Variants in SNAP25 observed in about 807,000 individuals in gnomAD.
The protein encoded by SNAP25 is synaptosome associated protein 25.
A neutral mutation model predicts 28.7 loss-of-function variants in SNAP25; 3 were observed. The ratio of observed to expected loss-of-function variants is 0.10; its 90% confidence interval spans 0.05 to 0.27. SNAP25 has a LOEUF of 0.27. Ranked by LOEUF, SNAP25 falls within the 10% of genes least tolerant of loss-of-function variation. The pLI is 1.00. For synonymous variants in SNAP25, 61 were observed against 88.1 expected, an observed-to-expected ratio of 0.69 and a Z score of 1.72; for missense variants, 117 against 278.7, an observed-to-expected ratio of 0.42 and a Z score of 4.13.
intron 1 of SNAP25, among the ~76,000 whole-genome samples, chr20:10,225,566 T>C (rs1411049890): frequency 1.3e-5 from 2 of 152,108 alleles, no homozygotes; most frequent in Non-Finnish European, 2.9e-5. Context: ...TGTGGAAAAA[T>C]ATATTTCATC....
intron 7 of SNAP25, among the ~76,000 whole-genome samples, chr20:10,299,947 G>GA (rs1362154351): frequency 6.6e-6 from 1 of 152,188 alleles, no homozygotes; most frequent in Non-Finnish European, 1.5e-5. Flanking sequence ...GAAAATGGGA[G>GA]AAAGAATAGT....
At chr20:10,250,173 C>T (rs931376004) in intron 1 of SNAP25, among the ~76,000 whole-genome samples, 2 of 152,160 alleles carry the variant, frequency 1.3e-5, no homozygotes, top group Non-Finnish European at 2.9e-5. Flanking sequence ...ATTATATTTT[C>T]TTATTTAGGG....
chr20:10,303,228 A>G lies in SNAP25; in HGVS notation c.553-2901A>G, dbSNP rs149741491. Reference sequence around the variant, plus strand: ...ATTTGTAGCTGGAAAGGGAGGGCTTAAGAACCAAGTAAAATTGGTGAGATT... The same window carrying G: ...ATTTGTAGCTGGAAAGGGAGGGCTTGAGAACCAAGTAAAATTGGTGAGATT... On this transcript the variant is annotated intron_variant, in intron 7 of 7. Transcript: ENST00000254976. Among the ~76,000 whole-genome samples the G allele has an allele frequency of 7.5e-4, 115 of 152,336 alleles. 2 individuals carry two copies. The East Asian group carries it at 0.019, about 25-fold the overall frequency.
intron 1 of SNAP25, among the ~76,000 whole-genome samples, chr20:10,253,624 G>A (rs2063268403): frequency 6.6e-6 from 1 of 152,156 alleles, no homozygotes; most frequent in Admixed American, 6.5e-5. Context: ...GCAGCCAAGG[G>A]TCCCATTCAG....
intron 1 of SNAP25, among the ~76,000 whole-genome samples, chr20:10,226,391 CA>C (rs1351036055): frequency 6.6e-6 from 1 of 152,142 alleles, no homozygotes; most frequent in Non-Finnish European, 1.5e-5. Context: ...TGTATTGCTT[CA>C]TCATAAATCA....
intron 1 of SNAP25, among the ~76,000 whole-genome samples, chr20:10,256,958 TTAAC>T (rs1383734493): frequency 6.6e-6 from 1 of 152,246 alleles, no homozygotes; most frequent in Non-Finnish European, 1.5e-5. Flanking sequence ...ATCTGATTCT[TTAAC>T]AAATAAATTT....
intron 5 of SNAP25, chr20:10,296,666 A>G: frequency 2.2e-6 from 1 of 449,718 alleles, no homozygotes; most frequent in Non-Finnish European, 3.9e-6. Flanking sequence ...CTAAACCACA[A>G]AACAAACCAA....
chr20:10,236,998 G>T (rs925525639), intron 1 of SNAP25, among the ~76,000 whole-genome samples: 15 of 106,652 alleles, frequency 1.4e-4, no homozygotes, highest in Non-Finnish European at 2.5e-4. Context: ...ATAAATAAAG[G>T]CTTCTAAATT....
At chr20:10,251,128 C>A (rs1404920494) in intron 1 of SNAP25, among the ~76,000 whole-genome samples, 1 of 152,202 alleles carries the variant, frequency 6.6e-6, no homozygotes, top group South Asian at 2.1e-4. Context: ...GAGACATGAT[C>A]CTTGCCCTCA....
At chr20:10,296,884 T>C in intron 5 of SNAP25, 41 bp from the exon 6 acceptor site, 1 of 1,612,020 alleles carries the variant, frequency 6.2e-7, no homozygotes, top group Non-Finnish European at 8.5e-7. Context: ...AGCTTGCTCC[T>C]CCACCCCTGT....
At chr20:10,286,298 C>T (rs1456241455) in intron 4 of SNAP25, among the ~76,000 whole-genome samples, 1 of 151,928 alleles carries the variant, frequency 6.6e-6, no homozygotes, top group Non-Finnish European at 1.5e-5. Flanking sequence ...TTTGGGGTCC[C>T]CTGGGGAGCA....
intron 1 of SNAP25, among the ~76,000 whole-genome samples, chr20:10,265,607 C>T (rs551707356): frequency 2.0e-5 from 3 of 152,300 alleles, no homozygotes; most frequent in Non-Finnish European, 4.4e-5. Flanking sequence ...ATTTTGTCCA[C>T]CCTCCAGTGC....
chr20:10,243,921 A>G (rs1015067446), intron 1 of SNAP25, among the ~76,000 whole-genome samples: 1 of 147,922 alleles, frequency 6.8e-6, no homozygotes, highest in Non-Finnish European at 1.5e-5. Flanking sequence ...AACTATCTTC[A>G]TCTCTTTGCC....
intron 2 of SNAP25, among the ~76,000 whole-genome samples, chr20:10,276,675 A>C (rs1165039117): frequency 3.9e-5 from 6 of 152,252 alleles, no homozygotes; most frequent in Non-Finnish European, 8.8e-5. Context: ...AGCTGTAGAC[A>C]CAAAAGTTCA....
chr20:10,296,610 G>T lies in SNAP25; in HGVS notation c.282-315G>T, dbSNP rs2064116149. 13 of 314,764 alleles carry T rather than the reference G, an allele frequency of 4.1e-5. No individual in the cohort carries two copies. In the South Asian group the frequency reaches 4.6e-4, roughly 11 times the overall value. The allele number at this position is 314,764 out of a possible 1,614,324, so 19.5% of individuals were successfully genotyped here. A position where few individuals can be genotyped will look rare whatever the true frequency, so the allele number is the denominator to read the frequency against. ...CAAATATAATCACATCACTAAAATA[G>T]AATTAAATGTCCTCCAGCTACCTTA... On this transcript the variant is annotated intron_variant, in intron 5 of 7. Transcript: ENST00000254976.
intron 1 of SNAP25, among the ~76,000 whole-genome samples, chr20:10,244,733 CTTT>C (rs112632869): frequency 4.3e-5 from 6 of 140,552 alleles, no homozygotes; most frequent in African/African-American, 5.3e-5. Flanking sequence ...TTCTTTCTCT[CTTT>C]TTTTTTTTTT....
rs6077710 is a variant in SNAP25, at chr20:10,262,931, G to A, written c.-63-12498G>A. Among the ~76,000 whole-genome samples, 106 of 152,058 alleles carry A rather than the reference G, an allele frequency of 7.0e-4. 2 individuals are homozygous for A. The highest frequency in any genetic ancestry group is 3.4e-3 in the Middle Eastern group (1 of 292). On this transcript the variant is annotated intron_variant, in intron 1 of 7. Transcript: ENST00000254976. ...GGGGCCTGCCCTGGGGGTGGGCGGT[G>A]GGGGGAGTAGTGGGTCAAAAGCTCC...
chr20:10,251,723 T>C (rs191657655), intron 1 of SNAP25, among the ~76,000 whole-genome samples: 1 of 152,206 alleles, frequency 6.6e-6, no homozygotes, highest in Non-Finnish European at 1.5e-5. Context: ...TTTTTGTTAT[T>C]CATGAGATCT....
intron 1 of SNAP25, among the ~76,000 whole-genome samples, chr20:10,246,993 A>C (rs1401994864): frequency 6.6e-6 from 1 of 151,540 alleles, no homozygotes; most frequent in Non-Finnish European, 1.5e-5. Flanking sequence ...TGTTATGAGC[A>C]CTGACACACA....
Sources: allele counts gnomAD v4.1 joint callset (sites outside exome capture counted in the v4.1 genomes callset), GRCh38; gene constraint gnomAD v4.1.1; transcripts MANE v1.5; gene names NCBI Gene and HGNC (gene_info 2026-07-23, HGNC 2026-07-21).